Variants in MYT1L observed in about 807,000 individuals in gnomAD.
MYT1L encodes myelin transcription factor 1-like protein.
A neutral mutation model predicts 126.7 loss-of-function variants in MYT1L; 12 were observed. That is an observed-to-expected ratio of 0.09 (90% CI 0.06 to 0.15). The LOEUF (loss-of-function observed/expected upper bound fraction) is 0.15, where lower values mean the gene tolerates loss of function less well. Ranked by LOEUF, MYT1L falls within the 10% of genes least tolerant of loss-of-function variation. MYT1L has a pLI of 1.00. For synonymous variants in MYT1L, 541 were observed against 604.2 expected, an observed-to-expected ratio of 0.90 and a Z score of 1.53; for missense variants, 979 against 1,585.2, an observed-to-expected ratio of 0.62 and a Z score of 6.49.
chr2:2,011,032 T>G (rs72767337), intron 4 of MYT1L, among the ~76,000 whole-genome samples: 6,431 of 152,230 alleles, frequency 0.042, 202 homozygotes, highest in Non-Finnish European at 0.065. Flanking sequence ...CATGTCCCTA[T>G]CTCACACTGT....
At chr2:2,153,511 G>T (rs1241558541) in intron 3 of MYT1L, among the ~76,000 whole-genome samples, 1 of 152,182 alleles carries the variant, frequency 6.6e-6, no homozygotes, top group Non-Finnish European at 1.5e-5. Flanking sequence ...ATGTGGGGGC[G>T]CAGGGGCTGA....
chr2:2,006,454 A>T (rs770991832), intron 4 of MYT1L, among the ~76,000 whole-genome samples: 1 of 152,240 alleles, frequency 6.6e-6, no homozygotes, highest in African/African-American at 2.4e-5. Flanking sequence ...ATTGGGCATT[A>T]GATCTCTAGA....
chr2:2,025,544 G>A (rs1309058541), intron 4 of MYT1L, among the ~76,000 whole-genome samples: 1 of 152,236 alleles, frequency 6.6e-6, no homozygotes, highest in African/African-American at 2.4e-5. Context: ...GATAAGTGGT[G>A]TGTGATATTC....
At chr2:2,007,816 G>A (rs1285967696) in intron 4 of MYT1L, among the ~76,000 whole-genome samples, 1 of 152,148 alleles carries the variant, frequency 6.6e-6, no homozygotes, top group East Asian at 1.9e-4. Context: ...CCCTCAAGCT[G>A]CCAAACTAGC....
intron 14 of MYT1L, among the ~76,000 whole-genome samples, chr2:1,894,618 T>TA (rs61173698): frequency 0.41 from 61,492 of 150,970 alleles, 14,341 homozygotes; most frequent in African/African-American, 0.65. Context: ...CCACATAAAT[T>TA]AAAAAAAATA....
intron 2 of MYT1L, among the ~76,000 whole-genome samples, chr2:2,201,729 G>A (rs916049074): frequency 6.6e-6 from 1 of 151,528 alleles, no homozygotes; most frequent in African/African-American, 2.4e-5. Context: ...GTGTTTTAAA[G>A]TTTAACCTTT....
chr2:2,164,807 C>G (rs768329101), intron 3 of MYT1L, among the ~76,000 whole-genome samples: 3 of 152,192 alleles, frequency 2.0e-5, no homozygotes, highest in Non-Finnish European at 4.4e-5. Flanking sequence ...TTGCCTTTAG[C>G]CCTTGCCTTT....
chr2:1,921,792 G>T (rs889238804), intron 10 of MYT1L, among the ~76,000 whole-genome samples: 1 of 152,034 alleles, frequency 6.6e-6, no homozygotes, highest in Non-Finnish European at 1.5e-5. Context: ...TTCTATCAGG[G>T]GTGTTTTCTA....
At chr2:2,164,623 C>T (rs529590025) in intron 3 of MYT1L, among the ~76,000 whole-genome samples, 53 of 152,270 alleles carry the variant, frequency 3.5e-4, no homozygotes, top group African/African-American at 1.2e-3. Flanking sequence ...TGTCAGTTGA[C>T]CAACTATCCT....
intron 3 of MYT1L, among the ~76,000 whole-genome samples, chr2:2,129,219 C>T (rs1195068537): frequency 6.6e-6 from 1 of 152,154 alleles, no homozygotes; most frequent in African/African-American, 2.4e-5. Flanking sequence ...TCCACAAGCA[C>T]AGTTTCACGT....
intron 21 of MYT1L, among the ~76,000 whole-genome samples, chr2:1,837,216 T>C (rs1484612688): frequency 1.3e-5 from 2 of 152,146 alleles, no homozygotes; most frequent in African/African-American, 4.8e-5. Flanking sequence ...TGGTATTTGC[T>C]GCTTAAATCA....
At chr2:1,877,905 G>A (rs2047119018) in intron 18 of MYT1L, among the ~76,000 whole-genome samples, 4 of 152,192 alleles carry the variant, frequency 2.6e-5, no homozygotes, top group African/African-American at 9.7e-5. Flanking sequence ...TTTCTCTGCA[G>A]GTAGTGCTAA....
At chr2:1,891,906 G>A (rs1309806950) in intron 15 of MYT1L, 131 bp downstream of exon 15, 28 of 1,404,430 alleles carry the variant, frequency 2.0e-5, no homozygotes, top group Middle Eastern at 2.6e-4. Context: ...TCACAGTGGC[G>A]AGAATGGTTT....
intron 8 of MYT1L, among the ~76,000 whole-genome samples, chr2:1,967,788 G>A (rs985164388): frequency 6.6e-6 from 1 of 152,166 alleles, no homozygotes; most frequent in Admixed American, 6.5e-5. Context: ...CAGCGAGGCC[G>A]CAGGCCCCGA....
rs753080221 is a variant in MYT1L, at chr2:1,839,136, C to T, written c.3080+13G>A. 59 of 1,598,016 alleles carry T rather than the reference C, an allele frequency of 3.7e-5. No individual in the cohort carries two copies. The highest frequency in any genetic ancestry group is 9.0e-5 in the East Asian group (4 of 44,306). ...ACCATCCCAGCCAGGGTCCCGCAGA[C>T]GCGGCCACTCACCTGCGGTGTGTGA... is the stretch of plus-strand genomic sequence containing the variant. On this transcript the variant is annotated intron_variant, in intron 21 of 24. Coordinates refer to ENST00000647738, the MANE Select transcript of MYT1L (RefSeq NM_001303052.2).
At chr2:1,959,811 C>T (rs2058813066) in intron 8 of MYT1L, among the ~76,000 whole-genome samples, 1 of 152,230 alleles carries the variant, frequency 6.6e-6, no homozygotes, top group African/African-American at 2.4e-5. Flanking sequence ...AGTGCAGCCA[C>T]ATACGGTGTG....
intron 8 of MYT1L, among the ~76,000 whole-genome samples, chr2:1,976,205 G>T (rs1405855589): frequency 6.6e-6 from 1 of 151,864 alleles, no homozygotes; most frequent in Non-Finnish European, 1.5e-5. Flanking sequence ...AAGAAGCCTG[G>T]TGTCCTATTC....
chr2:1,789,727 G>T lies in MYT1L; in HGVS notation c.*2140C>A, dbSNP rs2031703850. On this transcript the variant is annotated 3_prime_UTR_variant, in exon 25 of 25. Coordinates refer to ENST00000647738, the MANE Select transcript of MYT1L (RefSeq NM_001303052.2). ...GCCCTAAAGGCAGCTGGGGCCCTGG[G>T]CCACACGGACGGCCTCAGGTGACTG... 6.6e-6 allele frequency: 1 copy of T among 152,188 alleles called. No homozygotes were observed. The highest frequency in any genetic ancestry group is 1.5e-5 in the Non-Finnish European group (1 of 68,042). The allele number at this position is 152,188 out of a possible 1,614,324, so 9.4% of individuals were successfully genotyped here.
chr2:1,902,913 G>T (rs1446353195), intron 14 of MYT1L, 167 bp downstream of exon 14: 2 of 626,876 alleles, frequency 3.2e-6, no homozygotes, highest in Non-Finnish European at 5.6e-6. Flanking sequence ...ACAGCTGTGT[G>T]GACCTGAGGG....
Sources: allele counts gnomAD v4.1 joint callset (sites outside exome capture counted in the v4.1 genomes callset), GRCh38; gene constraint gnomAD v4.1.1; transcripts MANE v1.5; gene names NCBI Gene and HGNC (gene_info 2026-07-23, HGNC 2026-07-21).